The following DOCK3 variants were observed in gnomAD, a reference collection of about 807,000 sequenced individuals.
The protein encoded by DOCK3 is dedicator of cytokinesis 3.
A neutral mutation model predicts 265.6 loss-of-function variants in DOCK3; 60 were observed. That is an observed-to-expected ratio of 0.23 (90% confidence interval 0.18 to 0.28). The LOEUF (loss-of-function observed/expected upper bound fraction) is 0.28, where lower values mean the gene tolerates loss of function less well. DOCK3 is among the 10% of genes least tolerant of loss of function. The pLI is 1.00. For synonymous variants in DOCK3, 881 were observed against 938.0 expected (o/e 0.94, Z 1.11); for missense variants, 1,981 against 2,594.3 (o/e 0.76, Z 5.14).
At chr3:50,699,022 G>C (rs557328230) in intron 1 of DOCK3, among the ~76,000 whole-genome samples, 3 of 152,082 alleles carry the variant, frequency 2.0e-5, no homozygotes, top group African/African-American at 7.2e-5. Flanking sequence ...TGTCAGTGCC[G>C]TTGGCGTATC....
intron 1 of DOCK3, among the ~76,000 whole-genome samples, chr3:50,761,812 T>A (rs910158804): frequency 2.0e-5 from 3 of 152,214 alleles, no homozygotes; most frequent in African/African-American, 7.2e-5. Context: ...TGCACATGTA[T>A]GTTTATTGTG....
At chr3:50,832,631 C>T (rs532788512) in intron 2 of DOCK3, among the ~76,000 whole-genome samples, 30 of 152,308 alleles carry the variant, frequency 2.0e-4, no homozygotes, top group South Asian at 6.2e-4. Context: ...CCCAGTAGGT[C>T]TCAGCCTTAT....
intron 37 of DOCK3, among the ~76,000 whole-genome samples, chr3:51,340,614 A>T (rs558537018): frequency 3.3e-5 from 5 of 152,356 alleles, no homozygotes; most frequent in African/African-American, 1.2e-4. Flanking sequence ...GGAGATGCCC[A>T]CTAAAAATGA....
At chr3:51,330,482 G>A (rs1007479963) in intron 33 of DOCK3, among the ~76,000 whole-genome samples, 5 of 152,164 alleles carry the variant, frequency 3.3e-5, no homozygotes, top group South Asian at 2.1e-4. Flanking sequence ...GGATCATTGC[G>A]TGTCTTCATA....
intron 3 of DOCK3, among the ~76,000 whole-genome samples, chr3:50,869,807 C>T (rs1274804242): frequency 6.6e-6 from 1 of 152,050 alleles, no homozygotes; most frequent in Non-Finnish European, 1.5e-5. Context: ...TGTAAACTTC[C>T]ATCGAAGTAC....
intron 10 of DOCK3, among the ~76,000 whole-genome samples, chr3:51,152,504 C>G (rs2085650401): frequency 6.6e-6 from 1 of 152,186 alleles, no homozygotes; most frequent in South Asian, 2.1e-4. Flanking sequence ...GTCAACTCAT[C>G]AAAGTCATTC....
chr3:51,233,765 G>A (rs368869053), intron 19 of DOCK3, among the ~76,000 whole-genome samples: 4 of 152,288 alleles, frequency 2.6e-5, no homozygotes, highest in South Asian at 2.1e-4. Flanking sequence ...TACTGTAAAC[G>A]CAATTGCATT....
chr3:51,058,145 C>CT (rs1458910603), intron 5 of DOCK3, among the ~76,000 whole-genome samples: 2 of 152,186 alleles, frequency 1.3e-5, no homozygotes, highest in Non-Finnish European at 2.9e-5. Context: ...AAACTCCTTA[C>CT]TTATGGCCTC....
chr3:51,334,334 C>T (rs2084725825), intron 35 of DOCK3, among the ~76,000 whole-genome samples: 1 of 152,160 alleles, frequency 6.6e-6, no homozygotes, highest in Admixed American at 6.5e-5. Context: ...AACCCAGCTC[C>T]AAGCAATAGT....
At chr3:51,188,145 T>C (rs1461243993) in intron 12 of DOCK3, among the ~76,000 whole-genome samples, 3 of 152,208 alleles carry the variant, frequency 2.0e-5, no homozygotes, top group African/African-American at 4.8e-5. Flanking sequence ...TCATTTGTAT[T>C]TTAAACTATT....
At chr3:50,719,806 G>T in intron 1 of DOCK3, 1 of 789,308 alleles carries the variant, frequency 1.3e-6, no homozygotes, top group Non-Finnish European at 2.3e-6. Flanking sequence ...ATAAACTCTG[G>T]AATAATTCTG....
chr3:51,309,633 GAGCGAGAGCGA>G (rs2082946032), intron 27 of DOCK3, among the ~76,000 whole-genome samples: 3 of 146,018 alleles, frequency 2.1e-5, no homozygotes, highest in Non-Finnish European at 4.4e-5. Flanking sequence ...GCGAGAGCGA[GAGCGAGAGCGA>G]GAGCGAGAGC....
In DOCK3 at chr3:51,275,018, G is replaced by A. The variant is rs144423993; in HGVS notation, c.2549-61G>A. ...ATAGCTAAGTCCCACAATGCCACTG[G>A]CTTCCTGCAGTAGCTAGTTCTCCTC... is the stretch of plus-strand genomic sequence containing the variant. On this transcript the variant is annotated intron_variant, in intron 24 of 52. Coordinates refer to ENST00000266037, the MANE Select transcript of DOCK3 (RefSeq NM_004947.5). The A allele has an allele frequency of 7.9e-4, 1,267 of 1,607,512 alleles. 9 individuals carry two copies. Among genetic ancestry groups the A allele is most frequent in the Middle Eastern group, 1.7e-3 (10 of 6,040 alleles).
chr3:50,952,347 G>T (rs2108322196), intron 5 of DOCK3, among the ~76,000 whole-genome samples: 1 of 152,206 alleles, frequency 6.6e-6, no homozygotes. Flanking sequence ...TTTAGAGATG[G>T]CTCAAAGGGT....
chr3:50,887,078 G>GT (rs1559770609), intron 3 of DOCK3, among the ~76,000 whole-genome samples: 2 of 151,374 alleles, frequency 1.3e-5, no homozygotes. Flanking sequence ...CCAGGAGCTG[G>GT]TTTTTTGAAA....
intron 27 of DOCK3, among the ~76,000 whole-genome samples, chr3:51,308,951 G>A (rs1265286003): frequency 1.2e-4 from 18 of 151,832 alleles, no homozygotes; most frequent in African/African-American, 4.4e-4. Flanking sequence ...AGACGGGGTC[G>A]CGGCCGGGCA....
chr3:50,782,292 T>TTA (rs1559630988), intron 2 of DOCK3, among the ~76,000 whole-genome samples: 1 of 134,512 alleles, frequency 7.4e-6, no homozygotes, highest in Non-Finnish European at 1.6e-5. Flanking sequence ...ACCTGTTATT[T>TTA]TTTTTTTTTT....
intron 5 of DOCK3, among the ~76,000 whole-genome samples, chr3:51,008,150 A>G (rs2078765419): frequency 6.6e-6 from 1 of 152,110 alleles, no homozygotes; most frequent in Admixed American, 6.5e-5. Flanking sequence ...TTTTTTTCCA[A>G]TTCTGTGAAG....
chr3:51,124,800 G>T (rs1424798128), intron 9 of DOCK3, among the ~76,000 whole-genome samples: 5 of 152,018 alleles, frequency 3.3e-5, no homozygotes, highest in African/African-American at 1.2e-4. Context: ...TGTCTCTGTA[G>T]CTTATTAGCT....
Sources: gnomAD v4.1 joint callset for allele counts (sites outside exome capture counted in the v4.1 genomes callset) on GRCh38, gnomAD v4.1.1 for gene constraint, MANE v1.5 for transcripts, NCBI Gene and HGNC (gene_info 2026-07-23, HGNC 2026-07-21) for gene names.